Variants in NRG1 observed in about 807,000 individuals in gnomAD.
NRG1 encodes the protein pro-neuregulin-1, membrane-bound isoform.
In NRG1, 18 loss-of-function variants were observed where a neutral mutation model predicts 63.8. The ratio of observed to expected loss-of-function variants is 0.28; its 90% CI spans 0.19 to 0.42. NRG1 has a LOEUF of 0.42. Ranked by LOEUF, NRG1 falls within the 10% of genes least tolerant of loss-of-function variation. The probability of loss-of-function intolerance (pLI) is 1.00; values close to 1 mark genes in which losing one functional copy is unlikely to be tolerated. For synonymous variants in NRG1, 302 were observed against 301.3 expected, an observed-to-expected ratio of 1.00 and a Z score of -0.02; for missense variants, 762 against 814.7, an observed-to-expected ratio of 0.94 and a Z score of 0.79.
rs1324976379 is a variant in NRG1 at position 31,740,272 on chromosome 8, A to G, written c.37+100841A>G. ...GAGATGCCTCTTTTAAATTAAAGGT[A>G]TATTCTTCATTGCTAATTTTGAGTT... On this transcript the variant is annotated intron_variant, in intron 1 of 10. Coordinates refer to the NRG1 transcript ENST00000519301. 2.6e-5 allele frequency among the ~76,000 whole-genome samples: 4 copies of G among 152,070 alleles called. 1 individual carries two copies. The South Asian group carries it at 8.3e-4, about 31-fold the overall frequency.
At chr8:32,768,095 C>G (rs1043772487), downstream of NRG1, 2 of 152,202 alleles carry the variant, frequency 1.3e-5, no homozygotes, top group Non-Finnish European at 2.9e-5. Context: ...TGCTTCTTGT[C>G]TGTCCATTGC....
intron 1 of NRG1, among the ~76,000 whole-genome samples, chr8:32,182,315 C>T (rs554520763): frequency 1.3e-5 from 2 of 151,020 alleles, no homozygotes; most frequent in East Asian, 2.0e-4. Context: ...GGTGGGATCT[C>T]GGCTCACCAC....
At chr8:32,260,468 G>A (rs1191323399) in intron 1 of NRG1, among the ~76,000 whole-genome samples, 1 of 152,164 alleles carries the variant, frequency 6.6e-6, no homozygotes, top group African/African-American at 2.4e-5. Flanking sequence ...AAAGGCCTTA[G>A]TGCTCAGGTC....
chr8:31,861,892 T>C (rs149549816), intron 1 of NRG1, among the ~76,000 whole-genome samples: 17 of 152,190 alleles, frequency 1.1e-4, no homozygotes, highest in Non-Finnish European at 1.8e-4. Context: ...TTCAGACAGT[T>C]CACCCTGAAA....
intron 1 of NRG1, among the ~76,000 whole-genome samples, chr8:32,577,322 A>G (rs2129529924): frequency 6.6e-6 from 1 of 152,260 alleles, no homozygotes. Flanking sequence ...TGAATATTTC[A>G]TATTCATTTT....
intron 1 of NRG1, among the ~76,000 whole-genome samples, chr8:32,070,928 C>T (rs1825667711): frequency 6.6e-6 from 1 of 152,166 alleles, no homozygotes; most frequent in Admixed American, 6.5e-5. Context: ...ACCCTGCGTC[C>T]TCCCACCTCA....
At chr8:32,396,169 A>G (rs745764129) in intron 1 of NRG1, among the ~76,000 whole-genome samples, 6 of 152,016 alleles carry the variant, frequency 3.9e-5, no homozygotes, top group South Asian at 2.1e-4. Flanking sequence ...AAGTCCCCCA[A>G]TGTTTTTCTT....
intron 1 of NRG1, among the ~76,000 whole-genome samples, chr8:31,757,874 C>T (rs551559497): frequency 7.2e-5 from 11 of 152,114 alleles, no homozygotes; most frequent in African/African-American, 2.6e-4. Flanking sequence ...TTCTGTCATT[C>T]TAGAAATTTC....
At chr8:31,797,593 A>G (rs1194347366) in intron 1 of NRG1, among the ~76,000 whole-genome samples, 1 of 152,246 alleles carries the variant, frequency 6.6e-6, no homozygotes, top group Non-Finnish European at 1.5e-5. Context: ...CATATGATCC[A>G]ACAATTGCAC....
At chr8:32,672,415 G>A (rs1270105783) in intron 5 of NRG1, among the ~76,000 whole-genome samples, 7 of 151,814 alleles carry the variant, frequency 4.6e-5, no homozygotes, top group East Asian at 3.9e-4. Context: ...CTACCTACTC[G>A]GTATTCTTTC....
At chr8:31,947,762 G>A (rs1450063595) in intron 1 of NRG1, among the ~76,000 whole-genome samples, 4 of 151,846 alleles carry the variant, frequency 2.6e-5, no homozygotes, top group Non-Finnish European at 4.4e-5. Context: ...AGGGCAACAT[G>A]GTGAAACCCC....
chr8:32,564,086 C>T (rs1232080340), intron 1 of NRG1, among the ~76,000 whole-genome samples: 7 of 146,666 alleles, frequency 4.8e-5, no homozygotes, highest in Admixed American at 2.7e-4. Context: ...ATTTTGATGG[C>T]CTTTTTAAAT....
At chr8:32,082,305 CCCAGGGATTA>C (rs1381692639) in intron 1 of NRG1, among the ~76,000 whole-genome samples, 2 of 151,588 alleles carry the variant, frequency 1.3e-5, no homozygotes, top group African/African-American at 2.4e-5. Context: ...TACTTCATCA[CCCAGGGATTA>C]AGCCTGTTAC....
chr8:32,048,363 A>T (rs1303895444), intron 1 of NRG1, among the ~76,000 whole-genome samples: 2 of 148,746 alleles, frequency 1.3e-5, no homozygotes, highest in African/African-American at 4.9e-5. Flanking sequence ...ACATATATGC[A>T]TGTATACATA....
At chr8:31,985,103 A>G (rs149082345) in intron 1 of NRG1, among the ~76,000 whole-genome samples, 5 of 152,220 alleles carry the variant, frequency 3.3e-5, no homozygotes, top group Admixed American at 2.0e-4. Context: ...CCTGTGTCAG[A>G]GAGTGTTTAT....
chr8:31,691,709 T>G (rs1332313361), intron 1 of NRG1, among the ~76,000 whole-genome samples: 2 of 151,910 alleles, frequency 1.3e-5, no homozygotes, highest in Non-Finnish European at 2.9e-5. Context: ...TCTTATGCAA[T>G]TACTTCTTTT....
At chr8:31,664,204 T>A (rs1316815615) in intron 1 of NRG1, among the ~76,000 whole-genome samples, 1 of 152,198 alleles carries the variant, frequency 6.6e-6, no homozygotes, top group Non-Finnish European at 1.5e-5. Flanking sequence ...TGGATTCCTC[T>A]GTAGTCAAGA....
chr8:31,847,810 C>G (rs1038839712), intron 1 of NRG1, among the ~76,000 whole-genome samples: 4 of 152,186 alleles, frequency 2.6e-5, no homozygotes, highest in African/African-American at 9.7e-5. Flanking sequence ...ACTGTCCTTT[C>G]AAACATGAAT....
chr8:32,026,601 T>A (rs546547542), intron 1 of NRG1, among the ~76,000 whole-genome samples: 11 of 152,328 alleles, frequency 7.2e-5, no homozygotes, highest in African/African-American at 2.4e-4. Context: ...AATGTTATTC[T>A]ACCGTATAGG....
Sources: allele counts gnomAD v4.1 joint callset (sites outside exome capture counted in the v4.1 genomes callset), GRCh38; gene constraint gnomAD v4.1.1; transcripts MANE v1.5; gene names NCBI Gene and HGNC (gene_info 2026-07-23, HGNC 2026-07-21).